TYW1: variants seen among roughly 807,000 people sequenced by gnomAD.
TYW1 encodes tRNA-yW synthesizing protein 1 homolog.
In TYW1, 46 loss-of-function variants were observed where a neutral mutation model predicts 96.2. The observed-to-expected ratio is 0.48, with a 90% CI of 0.38 to 0.61. The LOEUF (loss-of-function observed/expected upper bound fraction) is 0.61. TYW1 is among the 20% of genes least tolerant of loss of function. TYW1 has a pLI of 0.00. For missense variants in TYW1, 684 were observed against 909.6 expected (o/e 0.75, Z 3.19); for synonymous variants, 274 against 323.0 (o/e 0.85, Z 1.63).
At chr7:67,083,851 A>G (rs970866882) in intron 11 of TYW1, among the ~76,000 whole-genome samples, 1 of 152,166 alleles carries the variant, frequency 6.6e-6, no homozygotes, top group African/African-American at 2.4e-5. Context: ...CCTGGCTAAC[A>G]TGGTGAAACC....
At chr7:67,225,861 A>G (rs967436564) in intron 15 of TYW1, among the ~76,000 whole-genome samples, 1 of 150,552 alleles carries the variant, frequency 6.6e-6, no homozygotes, top group African/African-American at 2.5e-5. Context: ...TCCACGGGCA[A>G]CTGTTACCAT....
intron 15 of TYW1, among the ~76,000 whole-genome samples, chr7:67,236,330 A>G (rs890922999): frequency 9.2e-5 from 14 of 152,230 alleles, no homozygotes; most frequent in African/African-American, 3.4e-4. Context: ...GGAAGTTGAG[A>G]GAAGCCACAG....
intron 15 of TYW1, among the ~76,000 whole-genome samples, chr7:67,224,398 A>G (rs1463269107): frequency 2.0e-5 from 3 of 152,260 alleles, no homozygotes; most frequent in Admixed American, 6.5e-5. Context: ...AAATGCTGGG[A>G]TTACAGGCAT....
chr7:67,089,027 C>G lies in TYW1; in HGVS notation c.1384+5488C>G, dbSNP rs184918244. 6.7e-4 allele frequency among the ~76,000 whole-genome samples: 102 copies of G among 152,318 alleles called. 1 individual carries two copies. The highest frequency in any genetic ancestry group is 2.4e-3 in the African/African-American group (98 of 41,586). On this transcript the variant is annotated intron_variant, in intron 11 of 15. Coordinates refer to ENST00000359626, the MANE Select transcript of TYW1 (RefSeq NM_018264.4). ...TAGTTTGTGATATTCCTGGTATCTCCACTTTGGCCTCTTTTTGGAGGTCCA... is the reference window on the plus strand; with the variant it reads ...TAGTTTGTGATATTCCTGGTATCTCGACTTTGGCCTCTTTTTGGAGGTCCA...
chr7:67,093,211 A>G (rs1796780520), intron 11 of TYW1, among the ~76,000 whole-genome samples: 1 of 152,204 alleles, frequency 6.6e-6, no homozygotes, highest in African/African-American at 2.4e-5. Context: ...AGTTCACAAA[A>G]TAAAAACATT....
intron 15 of TYW1, among the ~76,000 whole-genome samples, chr7:67,213,353 T>C (rs1801102199): frequency 6.6e-6 from 1 of 151,802 alleles, no homozygotes; most frequent in African/African-American, 2.4e-5. Flanking sequence ...TGAGACGGGG[T>C]TTCATTTTGT....
intron 7 of TYW1, 82 bp from the exon 8 acceptor site, chr7:67,049,867 G>A (rs533491506): frequency 3.1e-5 from 48 of 1,546,428 alleles, no homozygotes; most frequent in African/African-American, 9.6e-5. Flanking sequence ...CCTTTTTATT[G>A]ATGCTAGGTG....
intron 12 of TYW1, among the ~76,000 whole-genome samples, chr7:67,103,723 T>C (rs1201382778): frequency 6.6e-6 from 1 of 152,254 alleles, no homozygotes; most frequent in East Asian, 1.9e-4. Flanking sequence ...GTAGGTTAAC[T>C]AATAGAACAC....
chr7:67,092,523 A>G (rs1359962203), intron 11 of TYW1, among the ~76,000 whole-genome samples: 3 of 149,080 alleles, frequency 2.0e-5, no homozygotes, highest in Non-Finnish European at 3.0e-5. Flanking sequence ...CTCTTGGCCT[A>G]CTCCCTCACC....
chr7:67,107,460 G>A (rs762951696), intron 12 of TYW1, among the ~76,000 whole-genome samples: 9 of 152,216 alleles, frequency 5.9e-5, no homozygotes, highest in Non-Finnish European at 1.2e-4. Flanking sequence ...GAGAGAAAGT[G>A]CAGAGAGGTG....
At chr7:67,133,919 A>G (rs1798165792) in intron 13 of TYW1, among the ~76,000 whole-genome samples, 2 of 151,832 alleles carry the variant, frequency 1.3e-5, no homozygotes. Flanking sequence ...CCACTCAAAT[A>G]TCACCTTATC....
chr7:67,001,679 C>G (rs1314162682), intron 3 of TYW1, among the ~76,000 whole-genome samples: 1 of 151,632 alleles, frequency 6.6e-6, no homozygotes, highest in Non-Finnish European at 1.5e-5. Context: ...CTTGGCCTCC[C>G]AAAGTGTTGG....
intron 3 of TYW1, among the ~76,000 whole-genome samples, chr7:67,003,740 T>C (rs2129237595): frequency 6.6e-6 from 1 of 152,312 alleles, no homozygotes; most frequent in Non-Finnish European, 1.5e-5. Context: ...ATCTTTCTCA[T>C]TGTCAGGAAT....
chr7:67,043,573 G>A (rs1795095830), intron 7 of TYW1, among the ~76,000 whole-genome samples: 1 of 152,032 alleles, frequency 6.6e-6, no homozygotes, highest in East Asian at 1.9e-4. Context: ...ATAAATTTCT[G>A]TTGGTATTGC....
At chr7:67,148,999 C>T (rs910148031) in intron 13 of TYW1, among the ~76,000 whole-genome samples, 4 of 152,132 alleles carry the variant, frequency 2.6e-5, no homozygotes, top group Admixed American at 6.5e-5. Context: ...AGTCATCGCG[C>T]ACCACCCCCA....
At chr7:67,023,454 G>C (rs113964982) in intron 6 of TYW1, among the ~76,000 whole-genome samples, 16,601 of 151,966 alleles carry the variant, frequency 0.11, 960 homozygotes, top group Middle Eastern at 0.15. Context: ...TGAAAACAAA[G>C]AACTACTTCA....
At chr7:67,058,205 G>A (rs1226016676) in intron 9 of TYW1, among the ~76,000 whole-genome samples, 7 of 152,184 alleles carry the variant, frequency 4.6e-5, no homozygotes, top group Admixed American at 4.6e-4. Flanking sequence ...AAGTGCTGAG[G>A]TTACAGGCGT....
intron 15 of TYW1, among the ~76,000 whole-genome samples, chr7:67,197,326 CTTT>C (rs35406844): frequency 1.3e-4 from 19 of 142,518 alleles, no homozygotes; most frequent in Non-Finnish European, 2.1e-4. Context: ...AGACCTCTGT[CTTT>C]TTTTTTTTTT....
At chr7:67,050,751 A>G (rs550606583) in intron 8 of TYW1, among the ~76,000 whole-genome samples, 37 of 151,922 alleles carry the variant, frequency 2.4e-4, no homozygotes, top group Non-Finnish European at 4.6e-4. Flanking sequence ...GCTATTTTCT[A>G]TTTCATCTGC....
Sources: allele counts gnomAD v4.1 joint callset (sites outside exome capture counted in the v4.1 genomes callset), GRCh38; gene constraint gnomAD v4.1.1; transcripts MANE v1.5; gene names NCBI Gene and HGNC (gene_info 2026-07-23, HGNC 2026-07-21).